Variants in FILIP1 observed in about 807,000 individuals in gnomAD.
FILIP1 encodes the protein filamin A interacting protein 1, also known as filamin-A-interacting protein 1.
Under a neutral mutation model 102.1 loss-of-function variants are expected in FILIP1, and 61 were observed. The ratio of observed to expected loss-of-function variants is 0.60; its 90% CI spans 0.49 to 0.74. The LOEUF (loss-of-function observed/expected upper bound fraction) is 0.74, where lower values mean the gene tolerates loss of function less well. Ranked by LOEUF, FILIP1 falls within the 30% of genes least tolerant of loss-of-function variation. FILIP1 has a pLI of 0.00. For missense variants in FILIP1, 1,314 were observed against 1,441.2 expected, an observed-to-expected ratio of 0.91 and a Z score of 1.43; for synonymous variants, 491 against 526.9, an observed-to-expected ratio of 0.93 and a Z score of 0.93.
rs552745410 is a variant in FILIP1 at position 75,421,880 on chromosome 6, T to G, written c.-6-6902A>C. On this transcript the variant is annotated intron_variant, in intron 1 of 5. Coordinates refer to ENST00000237172, the MANE Select transcript of FILIP1 (RefSeq NM_015687.5). ...GTCACACGGCTGATCAATGGAATAG[T>G]TGGAACCAGGACTCATGTCTCATGA... 4.7e-4 allele frequency among the ~76,000 whole-genome samples: 72 copies of G among 152,262 alleles called. 2 individuals are homozygous for G. In the South Asian group the frequency reaches 0.012, roughly 26 times the overall value.
intron 4 of FILIP1, among the ~76,000 whole-genome samples, chr6:75,326,339 G>A (rs1350558337): frequency 6.6e-6 from 1 of 152,120 alleles, no homozygotes; most frequent in Admixed American, 6.6e-5. Context: ...GGACTTTGGG[G>A]ACTCAGGGAA....
rs563935440 is a variant in FILIP1, at chr6:75,312,685, T to G, written c.3147A>C (p.Pro1049=). The stretch of plus-strand genomic sequence containing the variant: ...TGGCATTGGAGTTGTATTTCCGTAC[T>G]GGAGTTGGAACAGTCTGTTTTTCTG... ...VTPEKQTVPT[P]VRKYNSNANI... Residue 1049 remains proline, a synonymous_variant, in exon 5 of 6, where the codon CCA becomes CCC. Coordinates refer to ENST00000237172, the MANE Select transcript of FILIP1 (RefSeq NM_015687.5). 1 of 1,614,236 alleles carries G rather than the reference T, an allele frequency of 6.2e-7. No homozygotes were observed. The highest frequency in any genetic ancestry group is 2.2e-5 in the East Asian group (1 of 44,878).
chr6:75,486,001 A>ACG (rs1779778758), intron 1 of FILIP1, among the ~76,000 whole-genome samples: 1 of 150,166 alleles, frequency 6.7e-6, no homozygotes, highest in Non-Finnish European at 1.5e-5. Flanking sequence ...ACACACATAC[A>ACG]CACACACACA....
rs1773237906 is a variant in FILIP1 at position 75,312,537 on chromosome 6, C to T, written c.3295G>A (p.Ala1099Thr). 6.2e-7 allele frequency: 1 copy of T among 1,614,106 alleles called. No individual in the cohort carries two copies. Among genetic ancestry groups the T allele is most frequent in the Non-Finnish European group, 8.5e-7 (1 of 1,180,046 alleles). Residue 1099 changes from alanine (A) to threonine (T), a missense_variant, in exon 5 of 6, where the codon GCC becomes ACC. Ala to Thr is a moderately conservative substitution (Grantham distance 58). This residue lies in a region of FILIP1 where 816 missense variants were observed against 913.1 expected (regional missense o/e 0.89). Coordinates refer to ENST00000237172, the MANE Select transcript of FILIP1 (RefSeq NM_015687.5). ...GTGCCGGTGGAAACCTCCTTTTCGGCTGTCACGTTTACTGGTCGGACAGTA... is the reference window on the plus strand; with the variant it reads ...GTGCCGGTGGAAACCTCCTTTTCGGTTGTCACGTTTACTGGTCGGACAGTA... Reference protein sequence around the residue: ...VITVRPVNVTAEKEVSTGTVL... With the variant: ...VITVRPVNVTTEKEVSTGTVL...
chr6:75,414,680 G>A lies in FILIP1; in HGVS notation c.276+17C>T. 1 of 1,605,116 alleles carries A rather than the reference G, an allele frequency of 6.2e-7. No homozygotes were observed. Among genetic ancestry groups the A allele is most frequent in the Non-Finnish European group, 8.5e-7 (1 of 1,175,148 alleles). On this transcript the variant is annotated intron_variant, in intron 2 of 5. Coordinates refer to ENST00000237172, the MANE Select transcript of FILIP1 (RefSeq NM_015687.5). The stretch of plus-strand genomic sequence containing the variant: ...GAAACCAAAGACACAATAACAGTTG[G>A]GAAAGTTTGACTCTACCTGCAACTC...
chr6:75,292,913 G>T (rs1262599816), exon 7 of FILIP1: 1 of 152,132 alleles, frequency 6.6e-6, no homozygotes, highest in South Asian at 2.1e-4. Flanking sequence ...TATTACTGCA[G>T]TAGCGCTGTT....
intron 4 of FILIP1, among the ~76,000 whole-genome samples, chr6:75,352,675 A>C (rs113493745): frequency 6.6e-6 from 1 of 151,978 alleles, no homozygotes; most frequent in African/African-American, 2.4e-5. Context: ...CCAAATACTA[A>C]TATTTTCTAC....
At chr6:75,452,097 A>G (rs1252593630) in intron 1 of FILIP1, among the ~76,000 whole-genome samples, 1 of 94,684 alleles carries the variant, frequency 1.1e-5, no homozygotes, top group East Asian at 2.3e-4. Context: ...GATTTCTACC[A>G]AAGTTTTTTT....
chr6:75,390,139 C>T (rs1233555263), intron 2 of FILIP1, among the ~76,000 whole-genome samples: 2 of 152,176 alleles, frequency 1.3e-5, no homozygotes, highest in Admixed American at 1.3e-4. Context: ...CTGGCTCTCT[C>T]CTGAGGACAT....
chr6:75,298,917 C>CA (rs1328766367), intron 6 of FILIP1, among the ~76,000 whole-genome samples: 5 of 148,224 alleles, frequency 3.4e-5, no homozygotes, highest in East Asian at 2.0e-4. Flanking sequence ...GACTCAGTCT[C>CA]AAAAAAAAAT....
intron 1 of FILIP1, among the ~76,000 whole-genome samples, chr6:75,415,554 A>G (rs893960901): frequency 1.2e-3 from 174 of 147,860 alleles, no homozygotes; most frequent in African/African-American, 4.1e-3. Flanking sequence ...AAAAAAAAAA[A>G]GCCCACATAG....
chr6:75,392,331 T>G (rs929489031), intron 2 of FILIP1, among the ~76,000 whole-genome samples: 19 of 152,168 alleles, frequency 1.2e-4, no homozygotes, highest in African/African-American at 4.3e-4. Flanking sequence ...CCCTGAACTC[T>G]AGACTCATAT....
intron 4 of FILIP1, among the ~76,000 whole-genome samples, chr6:75,339,843 G>A (rs1311999721): frequency 6.6e-6 from 1 of 152,120 alleles, no homozygotes; most frequent in Non-Finnish European, 1.5e-5. Context: ...AGGTACTCAG[G>A]AGACTGAGGC....
intron 6 of FILIP1, among the ~76,000 whole-genome samples, chr6:75,297,701 GA>G (rs1401256642): frequency 1.3e-5 from 2 of 152,022 alleles, no homozygotes; most frequent in African/African-American, 4.8e-5. Flanking sequence ...AAATTAAAAT[GA>G]TGTTTCTCAC....
At chr6:75,330,087 C>T (rs1774022689) in intron 4 of FILIP1, among the ~76,000 whole-genome samples, 1 of 152,080 alleles carries the variant, frequency 6.6e-6, no homozygotes, top group Non-Finnish European at 1.5e-5. Flanking sequence ...AGTCAGAGCC[C>T]GTCTTCACTT....
chr6:75,393,114 A>G (rs1265779565), intron 2 of FILIP1, among the ~76,000 whole-genome samples: 2 of 152,188 alleles, frequency 1.3e-5, no homozygotes, highest in African/African-American at 2.4e-5. Context: ...AGAGGTTCAC[A>G]TTGACTCAGA....
At chr6:75,438,486 G>A in intron 1 of FILIP1, among the ~76,000 whole-genome samples, 1 of 152,086 alleles carries the variant, frequency 6.6e-6, no homozygotes, top group Non-Finnish European at 1.5e-5. Context: ...TTATAGCTTT[G>A]GTGTAACTGC....
intron 1 of FILIP1, among the ~76,000 whole-genome samples, chr6:75,448,026 C>T (rs1778495212): frequency 6.6e-6 from 1 of 152,046 alleles, no homozygotes; most frequent in South Asian, 2.1e-4. Context: ...CTGTTCCCTA[C>T]ATATAGAATA....
intron 2 of FILIP1, among the ~76,000 whole-genome samples, chr6:75,375,522 G>A (rs1775724603): frequency 6.6e-6 from 1 of 152,158 alleles, no homozygotes; most frequent in Non-Finnish European, 1.5e-5. Flanking sequence ...ATTTTCTGGG[G>A]TCTTCCAAGG....
Sources: allele counts gnomAD v4.1 joint callset (sites outside exome capture counted in the v4.1 genomes callset), GRCh38; gene constraint gnomAD v4.1.1; regional missense constraint gnomAD v4.1.1; transcripts MANE v1.5; gene names NCBI Gene and HGNC (gene_info 2026-07-23, HGNC 2026-07-21).